INTS4: variants seen among roughly 807,000 people sequenced by gnomAD.
INTS4 encodes the protein MSTP093.
In INTS4, 70 loss-of-function variants were observed where a neutral mutation model predicts 119.5. That is an observed-to-expected ratio of 0.59 (90% CI 0.48 to 0.71). INTS4 has a LOEUF of 0.71. Among genes scored for constraint, INTS4 ranks in the 30% least tolerant of loss-of-function variants. The pLI is 0.00. For synonymous variants in INTS4, 316 were observed against 419.6 expected (o/e 0.75, Z 3.02); for missense variants, 867 against 1,173.2 (o/e 0.74, Z 3.81).
At chr11:77,947,001 A>G (rs1355387741) in intron 8 of INTS4, among the ~76,000 whole-genome samples, 1 of 151,130 alleles carries the variant, frequency 6.6e-6, no homozygotes. Context: ...AATTTAATGA[A>G]AAAAATAAAA....
chr11:77,939,263 G>T (rs1953871943), intron 9 of INTS4, among the ~76,000 whole-genome samples: 2 of 152,156 alleles, frequency 1.3e-5, no homozygotes, highest in African/African-American at 4.8e-5. Context: ...TGATCACGAG[G>T]TCAGGAGATT....
At chr11:77,992,172 C>A (rs12417494) in intron 1 of INTS4, among the ~76,000 whole-genome samples, 1 of 151,608 alleles carries the variant, frequency 6.6e-6, no homozygotes, top group African/African-American at 2.4e-5. Flanking sequence ...CTTAGGCAGG[C>A]GGATCACTTG....
chr11:77,907,145 C>T (rs1439751660), intron 16 of INTS4, among the ~76,000 whole-genome samples: 1 of 152,140 alleles, frequency 6.6e-6, no homozygotes, highest in Non-Finnish European at 1.5e-5. Context: ...GGCTGGAGTG[C>T]AATCTCACTG....
chr11:77,981,738 C>G (rs968750251), intron 2 of INTS4, among the ~76,000 whole-genome samples, 162 bp from the exon 3 acceptor site: 1 of 136,866 alleles, frequency 7.3e-6, no homozygotes, highest in African/African-American at 2.9e-5. Context: ...AGACAGCTTT[C>G]TTTTATTTAT....
Position 77,878,790 on chromosome 11 carries a change from G to A in INTS4, c.*159C>T, listed in dbSNP as rs1481729044. ...ACTTGAAGGTTTTTTATTTTTTAATGAAGAAACAATTTATCCTGTGTTTGA... is the reference window on the plus strand; with the variant it reads ...ACTTGAAGGTTTTTTATTTTTTAATAAAGAAACAATTTATCCTGTGTTTGA... On this transcript the variant is annotated 3_prime_UTR_variant, in exon 23 of 23. Transcript: ENST00000534064. The A allele has an allele frequency of 1.4e-6, 1 of 720,868 alleles. No homozygotes were observed. The highest frequency in any genetic ancestry group is 1.8e-5 in the African/African-American group (1 of 56,312). 44.7% of individuals were successfully genotyped at this position (720,868 alleles called of 1,614,324 possible). A position where few individuals can be genotyped will look rare whatever the true frequency, so the allele number is the denominator to read the frequency against.
At chr11:77,909,442 G>A (rs966507045) in intron 15 of INTS4, among the ~76,000 whole-genome samples, 8 of 152,192 alleles carry the variant, frequency 5.3e-5, no homozygotes, top group African/African-American at 1.9e-4. Context: ...TTTCCTCATA[G>A]GTTGCACCTT....
downstream of INTS4, among the ~76,000 whole-genome samples, chr11:77,878,276 G>A (rs1283397865): frequency 6.6e-6 from 1 of 151,768 alleles, no homozygotes; most frequent in Non-Finnish European, 1.5e-5. Context: ...GCAGGAGAAT[G>A]GCTTGAACCC....
At chr11:77,918,794 T>C in intron 15 of INTS4, 27 bp downstream of exon 15, 1 of 1,610,446 alleles carries the variant, frequency 6.2e-7, no homozygotes, top group Non-Finnish European at 8.5e-7. Flanking sequence ...GCACTAACTC[T>C]GTCAGATGAA....
chr11:77,899,703 T>C (rs992421574), intron 18 of INTS4, among the ~76,000 whole-genome samples: 53 of 151,972 alleles, frequency 3.5e-4, no homozygotes, highest in Non-Finnish European at 6.3e-4. Flanking sequence ...TAAAATATTA[T>C]AGCATGAGTA....
intron 10 of INTS4, among the ~76,000 whole-genome samples, chr11:77,932,520 T>C (rs1953676830): frequency 6.6e-6 from 1 of 152,248 alleles, no homozygotes; most frequent in Admixed American, 6.5e-5. Flanking sequence ...GAGTGTAAAT[T>C]AGTTCAGCCA....
chr11:77,958,123 A>C (rs1277110837), intron 7 of INTS4, among the ~76,000 whole-genome samples: 1 of 152,100 alleles, frequency 6.6e-6, no homozygotes, highest in Non-Finnish European at 1.5e-5. Flanking sequence ...CAGGTTTATT[A>C]ATTCATTCTG....
chr11:77,973,003 A>T lies in INTS4; in HGVS notation c.471+5993T>A, dbSNP rs185917960. Among the ~76,000 whole-genome samples, 350 of 151,348 alleles carry T rather than the reference A, an allele frequency of 2.3e-3. 1 individual carries two copies. The highest frequency in any genetic ancestry group is 8.3e-3 in the African/African-American group (343 of 41,214). ...CAACAGGCAAGTGCCACCATACCTGACTAATTTTTTCAATTTTTAGTAGAG... is the reference window on the plus strand; with the variant it reads ...CAACAGGCAAGTGCCACCATACCTGTCTAATTTTTTCAATTTTTAGTAGAG... On this transcript the variant is annotated intron_variant, in intron 4 of 22. Coordinates refer to ENST00000534064, the MANE Select transcript of INTS4 (RefSeq NM_033547.4).
At chr11:77,964,023 C>A (rs955678657) in intron 4 of INTS4, among the ~76,000 whole-genome samples, 2 of 152,102 alleles carry the variant, frequency 1.3e-5, no homozygotes, top group African/African-American at 2.4e-5. Flanking sequence ...TTTGGTCTCC[C>A]AGAAAAATCT....
intron 22 of INTS4, among the ~76,000 whole-genome samples, chr11:77,880,278 C>T (rs1370291926): frequency 1.3e-5 from 2 of 152,198 alleles, no homozygotes; most frequent in South Asian, 2.1e-4. Context: ...CAGACCTCTT[C>T]CTGGTTACAT....
At chr11:77,915,883 A>T (rs910032222) in intron 15 of INTS4, among the ~76,000 whole-genome samples, 5 of 152,256 alleles carry the variant, frequency 3.3e-5, no homozygotes, top group African/African-American at 9.6e-5. Flanking sequence ...CATAGGGAAT[A>T]ATGTTAAGTG....
intron 2 of INTS4, among the ~76,000 whole-genome samples, chr11:77,984,214 C>T (rs912228973): frequency 2.0e-5 from 3 of 151,928 alleles, no homozygotes; most frequent in East Asian, 1.9e-4. Flanking sequence ...AGAATGAGAC[C>T]GGGCACAGTG....
At chr11:77,990,747 G>C (rs957402986) in intron 2 of INTS4, among the ~76,000 whole-genome samples, 3 of 151,326 alleles carry the variant, frequency 2.0e-5, no homozygotes, top group African/African-American at 7.3e-5. Context: ...AATTAGATAT[G>C]AGGGCCATGA....
At chr11:77,969,283 T>C (rs185774111) in intron 4 of INTS4, among the ~76,000 whole-genome samples, 2 of 152,222 alleles carry the variant, frequency 1.3e-5, no homozygotes, top group East Asian at 1.9e-4. Context: ...ACACATACCA[T>C]GCAATTCTCC....
At chr11:77,962,837 G>A (rs978383751) in intron 4 of INTS4, among the ~76,000 whole-genome samples, 1 of 148,546 alleles carries the variant, frequency 6.7e-6, no homozygotes, top group African/African-American at 2.5e-5. Flanking sequence ...ACAACACAGC[G>A]AGGCCCCATT....
Sources: allele counts gnomAD v4.1 joint callset (sites outside exome capture counted in the v4.1 genomes callset), GRCh38; gene constraint gnomAD v4.1.1; transcripts MANE v1.5; gene names NCBI Gene and HGNC (gene_info 2026-07-23, HGNC 2026-07-21).